MEF2D: variants seen among roughly 807,000 people sequenced by gnomAD.
MEF2D encodes the protein myocyte-specific enhancer factor 2D.
MEF2D carries 10 observed loss-of-function variants against 59.3 expected under a neutral mutation model. The observed-to-expected ratio is 0.17, with a 90% confidence interval of 0.10 to 0.29. The LOEUF (loss-of-function observed/expected upper bound fraction) is 0.29, where lower values mean the gene tolerates loss of function less well. Among genes scored for constraint, MEF2D ranks in the 10% least tolerant of loss-of-function variants. MEF2D has a pLI of 1.00. For missense variants in MEF2D, 508 were observed against 699.4 expected (o/e 0.73, Z 3.09); for synonymous variants, 305 against 295.0 (o/e 1.03, Z -0.35).
intron 8 of MEF2D, among the ~76,000 whole-genome samples, chr1:156,475,623 C>T (rs1425363404): frequency 6.6e-6 from 1 of 152,246 alleles, no homozygotes; most frequent in African/African-American, 2.4e-5. Flanking sequence ...CAGAGGCGTG[C>T]TGGCATCTGC....
rs1671489771 is a variant in MEF2D, at chr1:156,475,229, G to A, written c.885C>T (p.Ala295=). The change falls in exon 9 of 12, where the codon GCC becomes GCT. Residue 295 remains alanine (A), a synonymous_variant. Transcript: ENST00000348159. ...LTEDHLDLNN[A]QRLGVSQSTH... Reference sequence around the variant, plus strand: ...TAGACTGGGAGACCCCAAGGCGCTGGGCATTGTTCTGTAGGAGAAAACTGT... The same window carrying A: ...TAGACTGGGAGACCCCAAGGCGCTGAGCATTGTTCTGTAGGAGAAAACTGT... 6.2e-7 allele frequency: 1 copy of A among 1,609,544 alleles called. No homozygotes were observed. The highest frequency in any genetic ancestry group is 1.7e-5 in the Admixed American group (1 of 59,350).
rs1343910610 is a variant in MEF2D, at chr1:156,481,160, C to CT, written c.259-190dup. 2.0e-5 allele frequency among the ~76,000 whole-genome samples: 3 copies of CT among 152,328 alleles called. No individual in the cohort carries two copies. The South Asian group carries it at 6.2e-4, about 32-fold the overall frequency. ...CATCGTGTGAAGATCTGAAGATGGG[C>CT]TTGGTGGGAGCTGTCGGAACACAGA... On this transcript the variant is annotated intron_variant, in intron 3 of 11. Coordinates refer to ENST00000348159, the MANE Select transcript of MEF2D (RefSeq NM_005920.4).
At chr1:156,481,926 C>G (rs1023294887) in intron 3 of MEF2D, among the ~76,000 whole-genome samples, 3 of 152,246 alleles carry the variant, frequency 2.0e-5, no homozygotes, top group Non-Finnish European at 4.4e-5. Flanking sequence ...AAGGTCAGAA[C>G]TGAATTCCAA....
chr1:156,480,126 G>A (rs1182211308), intron 4 of MEF2D, among the ~76,000 whole-genome samples: 1 of 152,178 alleles, frequency 6.6e-6, no homozygotes, highest in African/African-American at 2.4e-5. Context: ...CGGGGAGCAG[G>A]TTAGAGGCCC....
At chr1:156,483,096 C>G in intron 2 of MEF2D, 143 bp downstream of exon 2, 1 of 887,462 alleles carries the variant, frequency 1.1e-6, no homozygotes, top group Non-Finnish European at 1.8e-6. Context: ...TGGGGTTCCT[C>G]TTCTCCCAAT....
intron 6 of MEF2D, among the ~76,000 whole-genome samples, chr1:156,477,726 T>C (rs1275664012): frequency 6.6e-6 from 1 of 152,208 alleles, no homozygotes; most frequent in African/African-American, 2.4e-5. Context: ...ACTGCTCCAT[T>C]TGCCGTGAGC....
At chr1:156,481,016 C>T (rs751140642) in intron 3 of MEF2D, 45 bp from the exon 4 acceptor site, 1 of 1,608,872 alleles carries the variant, frequency 6.2e-7, no homozygotes, top group South Asian at 1.1e-5. Flanking sequence ...GTCCTTCCCG[C>T]CCGCCTCGCT....
rs773266954 is a variant in MEF2D, at chr1:156,494,667, TGA to T, written c.-139+5817_-139+5818del. On this transcript the variant is annotated intron_variant, in intron 1 of 11. Coordinates refer to ENST00000348159, the MANE Select transcript of MEF2D (RefSeq NM_005920.4). ...CTGGGCCAGGCTGGGGCTGAAGGTC[TGA>T]GAGAAAAGATGCAACCATCACACTT... Among the ~76,000 whole-genome samples the T allele has an allele frequency of 5.3e-5, 8 of 152,324 alleles. No individual in the cohort carries two copies. In the East Asian group the frequency reaches 1.5e-3, roughly 29 times the overall value.
chr1:156,491,558 A>C (rs1672795140), intron 1 of MEF2D, among the ~76,000 whole-genome samples: 1 of 152,206 alleles, frequency 6.6e-6, no homozygotes, highest in Non-Finnish European at 1.5e-5. Flanking sequence ...GTCAGCCAGA[A>C]CAAGTACCAA....
rs943469694 is a variant in MEF2D, at chr1:156,465,584, T to G, written c.*2061A>C. The G allele has an allele frequency of 1.1e-4, 16 of 151,966 alleles. No individual in the cohort carries two copies. Among genetic ancestry groups the G allele is most frequent in the African/African-American group, 3.9e-4 (16 of 41,166 alleles). 9.4% of individuals were successfully genotyped at this position (151,966 alleles called of 1,614,324 possible). A position where few individuals can be genotyped will look rare whatever the true frequency, so the allele number is the denominator to read the frequency against. ...CCCCTAGAGCTCCAGTCACACAGAT[T>G]TGCACACACACCCAGCCAGGGTCAG... On this transcript the variant is annotated 3_prime_UTR_variant, in exon 12 of 12. Transcript: ENST00000348159.
rs1002805217 is a variant in MEF2D at position 156,464,441 on chromosome 1, G to A, written c.*3204C>T. ...GGGGGGGAGAATGGTGTGTTCCACT[G>A]AGGTGGTGGGGGGGGGTGTCCTCTT... On this transcript the variant is annotated 3_prime_UTR_variant, in exon 12 of 12. Transcript: ENST00000348159. 12 of 141,598 alleles carry A rather than the reference G, an allele frequency of 8.5e-5. No homozygotes were observed. The highest frequency in any genetic ancestry group is 1.5e-4 in the Non-Finnish European group (10 of 65,074). 8.8% of individuals were successfully genotyped at this position (141,598 alleles called of 1,614,324 possible).
At position 156,468,246 on chromosome 1, in the gene MEF2D, G is replaced by C. The variant is rs750147135; in HGVS notation, c.1301C>G (p.Pro434Arg). ...VGAALTVTTH[P>R]HISIKSEPVS... ...CGGTTCTGACTTGATGCTGATGTGG[G>C]GGTGGGTGGTGACTGTGAGGGCAGC... The change falls in exon 11 of 12, where the codon CCC (proline) becomes CGC (arginine). Residue 434 changes from proline (P) to arginine (R), a missense_variant. Around this residue, in one of 2 missense-constraint regions of MEF2D, gnomAD observed 481 missense variants for 584.7 expected, o/e 0.82. Coordinates refer to ENST00000348159, the MANE Select transcript of MEF2D (RefSeq NM_005920.4). The surrounding 1 kb of genome is among the most constrained non-coding windows in gnomAD (Gnocchi z 4.3). The C allele has an allele frequency of 1.9e-6, 3 of 1,595,664 alleles. No homozygotes were observed. Among genetic ancestry groups the C allele is most frequent in the Admixed American group, 3.4e-5 (2 of 58,900 alleles).
At position 156,476,715 on chromosome 1, in the gene MEF2D, C is replaced by A. The variant is rs531611768; in HGVS notation, c.856-201G>T. Among the ~76,000 whole-genome samples, 40 of 152,294 alleles carry A rather than the reference C, an allele frequency of 2.6e-4. No individual in the cohort carries two copies. The South Asian group carries it at 7.7e-3, about 29-fold the overall frequency. On this transcript the variant is annotated intron_variant, in intron 7 of 11. Transcript: ENST00000348159. ...CAATCTCCACCAGTGAGGAAATGCTCACCATCTAATCCCCATCCCTCCTGC... is the reference window on the plus strand; with the variant it reads ...CAATCTCCACCAGTGAGGAAATGCTAACCATCTAATCCCCATCCCTCCTGC...
chr1:156,464,241 G>C lies in MEF2D; in HGVS notation c.*3404C>G, dbSNP rs1312184070. Reference sequence around the variant, plus strand: ...TCACCCCACCCCAGGGGATTCCAAAGAGTCAGTTAAAAATATATAGAGATA... The same window carrying C: ...TCACCCCACCCCAGGGGATTCCAAACAGTCAGTTAAAAATATATAGAGATA... On this transcript the variant is annotated 3_prime_UTR_variant, in exon 12 of 12. Transcript: ENST00000348159. 2.0e-5 allele frequency: 3 copies of C among 152,506 alleles called. No individual in the cohort carries two copies. Among genetic ancestry groups the C allele is most frequent in the African/African-American group, 7.2e-5 (3 of 41,388 alleles). 9.4% of individuals were successfully genotyped at this position (152,506 alleles called of 1,614,324 possible).
At chr1:156,477,438 G>A (rs1396348694) in intron 6 of MEF2D, among the ~76,000 whole-genome samples, 1 of 152,146 alleles carries the variant, frequency 6.6e-6, no homozygotes, top group Non-Finnish European at 1.5e-5. Flanking sequence ...CAAGCTACAT[G>A]TGATAGGGCT....
At position 156,480,729 on chromosome 1, in the gene MEF2D, C is replaced by A; in HGVS notation, c.396+105G>T. 1.9e-6 allele frequency: 3 copies of A among 1,611,680 alleles called. No individual in the cohort carries two copies. The South Asian group carries it at 3.3e-5, about 18-fold the overall frequency. The stretch of plus-strand genomic sequence containing the variant: ...TCCGTCTGGGGGGTCAGGGCAAACA[C>A]CTCGTCCACCTCAGGGCTCTCACAT... On this transcript the variant is annotated intron_variant, in intron 4 of 11. Transcript: ENST00000348159.
intron 9 of MEF2D, among the ~76,000 whole-genome samples, chr1:156,470,289 C>A (rs977334382): frequency 2.0e-5 from 3 of 151,750 alleles, no homozygotes; most frequent in African/African-American, 7.3e-5. Flanking sequence ...GGCGGTGGCG[C>A]GCACCTGTAA....
rs2101941987 is a variant in MEF2D, at chr1:156,464,593, G to T, written c.*3052C>A. Reference sequence around the variant, plus strand: ...GGTGGAGGCGAATTTGGCTTGAGAGGAAGAAGACATTAAGTCCTCATCTGA... The same window carrying T: ...GGTGGAGGCGAATTTGGCTTGAGAGTAAGAAGACATTAAGTCCTCATCTGA... On this transcript the variant is annotated 3_prime_UTR_variant, in exon 12 of 12. Transcript: ENST00000348159. 1 of 152,340 alleles carries T rather than the reference G, an allele frequency of 6.6e-6. No individual in the cohort carries two copies. Among genetic ancestry groups the T allele is most frequent in the South Asian group, 2.1e-4 (1 of 4,820 alleles). 9.4% of individuals were successfully genotyped at this position (152,340 alleles called of 1,614,324 possible). A position where few individuals can be genotyped will look rare whatever the true frequency, so the allele number is the denominator to read the frequency against.
Position 156,464,413 on chromosome 1 carries a change from T to G in MEF2D, c.*3232A>C. 2.6e-5 allele frequency: 2 copies of G among 76,980 alleles called. No individual in the cohort carries two copies. Among genetic ancestry groups the G allele is most frequent in the Non-Finnish European group, 2.5e-5 (1 of 40,696 alleles). The allele number at this position is 76,980 out of a possible 1,614,324, so 4.8% of individuals were successfully genotyped here. A position where few individuals can be genotyped will look rare whatever the true frequency, so the allele number is the denominator to read the frequency against. On this transcript the variant is annotated 3_prime_UTR_variant, in exon 12 of 12. Transcript: ENST00000348159. ...AGTCTTGCTGCACTGAGTGTGCTGT[T>G]GAGGGGGGGAGAATGGTGTGTTCCA...
Sources: gnomAD v4.1 joint callset for allele counts (sites outside exome capture counted in the v4.1 genomes callset) on GRCh38, gnomAD v4.1.1 for gene constraint, gnomAD v4.1.1 regional missense constraint, Gnocchi (gnomAD v3.1) non-coding constraint, MANE v1.5 for transcripts, NCBI Gene and HGNC (gene_info 2026-07-23, HGNC 2026-07-21) for gene names.